The following PCNT variants were observed in gnomAD, a reference collection of about 807,000 sequenced individuals.
PCNT encodes the protein pericentrin, also known as kendrin.
PCNT carries 319 observed loss-of-function variants against 380.4 expected under a neutral mutation model. The ratio of observed to expected loss-of-function variants is 0.84; its 90% CI spans 0.77 to 0.92. PCNT has a LOEUF of 0.92. Ranked by LOEUF, PCNT falls within the 40% of genes least tolerant of loss-of-function variation. The probability of loss-of-function intolerance (pLI) is 0.00; values close to 1 mark genes in which losing one functional copy is unlikely to be tolerated. For missense variants in PCNT, 4,400 were observed against 4,255.3 expected, an observed-to-expected ratio of 1.03 and a Z score of -0.95; for synonymous variants, 1,845 against 1,735.2, an observed-to-expected ratio of 1.06 and a Z score of -1.57.
intron 44 of PCNT, chr21:46,442,820 A>G (rs746402280): frequency 2.3e-5 from 13 of 573,960 alleles, no homozygotes; most frequent in Non-Finnish European, 4.0e-5. Context: ...GAGATGCTCA[A>G]TATATTGATT....
At chr21:46,334,017 T>G (rs572406717) in intron 2 of PCNT, among the ~76,000 whole-genome samples, 15 of 151,814 alleles carry the variant, frequency 9.9e-5, no homozygotes, top group African/African-American at 3.4e-4. Context: ...CCATCTTGGC[T>G]AACATGGTGA....
chr21:46,326,962 G>A (rs1432538011), intron 2 of PCNT, among the ~76,000 whole-genome samples: 4 of 150,892 alleles, frequency 2.7e-5, no homozygotes, highest in African/African-American at 4.9e-5. Flanking sequence ...GCATTGAGCC[G>A]AGATCACGCC....
intron 27 of PCNT, among the ~76,000 whole-genome samples, chr21:46,403,805 C>G (rs1601976582): frequency 2.2e-5 from 3 of 136,040 alleles, no homozygotes; most frequent in Admixed American, 7.5e-5. Context: ...TGTGTGGTGC[C>G]CACGCGGCAC....
intron 11 of PCNT, 130 bp from the exon 12 acceptor site, chr21:46,355,322 C>A (rs1016664531): frequency 5.3e-6 from 5 of 949,770 alleles, no homozygotes; most frequent in Non-Finnish European, 8.4e-6. Flanking sequence ...CAGGGCGCAG[C>A]GTGTGGTCTC....
intron 21 of PCNT, among the ~76,000 whole-genome samples, chr21:46,391,866 A>G (rs1307167069): frequency 6.6e-6 from 1 of 152,266 alleles, no homozygotes; most frequent in Non-Finnish European, 1.5e-5. Flanking sequence ...TCGAGCCTGC[A>G]GGGAGCTGCG....
chr21:46,382,006 G>A lies in PCNT; in HGVS notation c.3312+166G>A, dbSNP rs77643189. On this transcript the variant is annotated intron_variant, in intron 16 of 46. Coordinates refer to ENST00000359568, the MANE Select transcript of PCNT (RefSeq NM_006031.6). ...GCGCATTCACAGTGTTGTAGATTCA[G>A]TGGCGGAAGCGCATTCACGGTGTTG... Among the ~76,000 whole-genome samples, 11,672 of 138,494 alleles carry A rather than the reference G, an allele frequency of 0.084. 845 individuals are homozygous for A. Among genetic ancestry groups the A allele is most frequent in the South Asian group, 0.14 (548 of 4,036 alleles). 90.9% of individuals were successfully genotyped at this position (138,494 alleles called of 152,430 possible).
chr21:46,403,732 A>C (rs13053049), intron 27 of PCNT, among the ~76,000 whole-genome samples: 1 of 97,720 alleles, frequency 1.0e-5, no homozygotes, highest in African/African-American at 4.3e-5. Context: ...GTGGGAGAAT[A>C]GTGTGTGTTT....
intron 27 of PCNT, among the ~76,000 whole-genome samples, chr21:46,409,534 TC>T (rs1426732791): frequency 4.6e-5 from 7 of 152,330 alleles, no homozygotes; most frequent in Middle Eastern, 3.4e-3. Context: ...AGCCCAATTT[TC>T]CTGAGAAATT....
intron 15 of PCNT, among the ~76,000 whole-genome samples, chr21:46,374,579 G>A (rs1473590553): frequency 6.6e-6 from 1 of 152,214 alleles, no homozygotes; most frequent in African/African-American, 2.4e-5. Context: ...GCTGGCTGCA[G>A]TGGCTCACGC....
chr21:46,360,740 A>C (rs548899996), intron 13 of PCNT, among the ~76,000 whole-genome samples: 11 of 142,566 alleles, frequency 7.7e-5, no homozygotes, highest in Middle Eastern at 4.7e-3. Context: ...GGATGGTCTC[A>C]ATCTCCTGAC....
At chr21:46,406,559 TAA>T (rs2086627666) in intron 27 of PCNT, among the ~76,000 whole-genome samples, 1 of 152,230 alleles carries the variant, frequency 6.6e-6, no homozygotes, top group South Asian at 2.1e-4. Context: ...CATCTTCAGA[TAA>T]AGACAGTTTT....
At chr21:46,325,365 C>T (rs1367334269) in intron 1 of PCNT, among the ~76,000 whole-genome samples, 1 of 151,932 alleles carries the variant, frequency 6.6e-6, no homozygotes, top group East Asian at 1.9e-4. Context: ...GAGCTGCGAA[C>T]AGGAGCAGAG....
rs2085925285 is a variant in PCNT at position 46,388,709 on chromosome 21, A to G, written c.3465-33A>G. ...GGGTGGGGGTTCTTATGCCGTGACC[A>G]GCTTGCCTGATGATGGGTGTCTCCT... On this transcript the variant is annotated intron_variant, in intron 17 of 46. Coordinates refer to ENST00000359568, the MANE Select transcript of PCNT (RefSeq NM_006031.6). This position sits in a 1 kb window ranked among gnomAD's most constrained non-coding sequence, Gnocchi z 4.2. The G allele has an allele frequency of 6.2e-7, 1 of 1,612,528 alleles. No individual in the cohort carries two copies. The highest frequency in any genetic ancestry group is 1.3e-5 in the African/African-American group (1 of 74,902).
intron 16 of PCNT, among the ~76,000 whole-genome samples, chr21:46,384,457 C>T (rs547677421): frequency 1.4e-5 from 2 of 146,978 alleles, no homozygotes; most frequent in East Asian, 4.2e-4. Flanking sequence ...AGCGCATTCA[C>T]GGTGTTGTGC....
intron 2 of PCNT, among the ~76,000 whole-genome samples, chr21:46,328,199 A>G (rs1256340430): frequency 6.6e-6 from 1 of 151,710 alleles, no homozygotes; most frequent in Admixed American, 6.6e-5. Flanking sequence ...TTCTACCTAC[A>G]AATCCTGAAT....
chr21:46,418,462 T>C lies in PCNT; in HGVS notation c.7024+156T>C, dbSNP rs1366609670. Among the ~76,000 whole-genome samples the C allele has an allele frequency of 2.0e-5, 3 of 152,224 alleles. No individual in the cohort carries two copies. In the East Asian group the frequency reaches 5.8e-4, roughly 29 times the overall value. Reference sequence around the variant, plus strand: ...CTTTGTCGGGCGTGCACCTGGGGCCTCTTGACTTCTGAAAACACGCCTGTA... The same window carrying C: ...CTTTGTCGGGCGTGCACCTGGGGCCCCTTGACTTCTGAAAACACGCCTGTA... On this transcript the variant is annotated intron_variant, in intron 31 of 46. Transcript: ENST00000359568.
intron 15 of PCNT, among the ~76,000 whole-genome samples, chr21:46,374,409 T>C (rs2085264877): frequency 1.3e-5 from 2 of 152,162 alleles, no homozygotes; most frequent in South Asian, 4.1e-4. Context: ...TCAGGATCTA[T>C]TTGTTCCTGT....
chr21:46,414,814 C>A (rs2086953917), intron 29 of PCNT, among the ~76,000 whole-genome samples: 2 of 150,168 alleles, frequency 1.3e-5, no homozygotes, highest in Non-Finnish European at 3.0e-5. Flanking sequence ...GGACATGCAG[C>A]CGCCCACCCT....
intron 13 of PCNT, among the ~76,000 whole-genome samples, chr21:46,357,441 C>A (rs1448757269): frequency 5.9e-5 from 9 of 152,172 alleles, no homozygotes. Flanking sequence ...GTGAAGATTT[C>A]TTTTTGTTTT....
Sources: allele counts gnomAD v4.1 joint callset (sites outside exome capture counted in the v4.1 genomes callset), GRCh38; gene constraint gnomAD v4.1.1; non-coding constraint Gnocchi (gnomAD v3.1); transcripts MANE v1.5; gene names NCBI Gene and HGNC (gene_info 2026-07-23, HGNC 2026-07-21).